Variants in HHAT observed in about 807,000 individuals in gnomAD.
HHAT encodes the protein hedgehog acyltransferase.
A neutral mutation model predicts 70.8 loss-of-function variants in HHAT; 47 were observed. The observed-to-expected ratio is 0.66, with a 90% CI of 0.53 to 0.85. The LOEUF (loss-of-function observed/expected upper bound fraction) is 0.85, where lower values mean the gene tolerates loss of function less well. Ranked by LOEUF, HHAT falls within the 40% of genes least tolerant of loss-of-function variation. The pLI is 0.00. For synonymous variants in HHAT, 228 were observed against 247.6 expected (o/e 0.92, Z 0.74); for missense variants, 609 against 604.8 (o/e 1.01, Z -0.07).
chr1:210,339,873 GTGGAAGTAGTGGGTATA>G (rs2085850902), intron 1 of HHAT, among the ~76,000 whole-genome samples: 1 of 152,226 alleles, frequency 6.6e-6, no homozygotes, highest in African/African-American at 2.4e-5. Flanking sequence ...TGGTGCGGAT[GTGGAAGTAGTGGGTATA>G]TATTTTAAAC....
intron 9 of HHAT, among the ~76,000 whole-genome samples, chr1:210,583,947 ATTTTTTTT>A (rs371722219): frequency 6.3e-4 from 56 of 88,992 alleles, no homozygotes; most frequent in Non-Finnish European, 8.6e-4. Flanking sequence ...AGTGCAGCTA[ATTTTTTTT>A]TTTTTTTTTT....
At chr1:210,626,699 T>C (rs1669899806) in intron 11 of HHAT, among the ~76,000 whole-genome samples, 1 of 152,154 alleles carries the variant, frequency 6.6e-6, no homozygotes, top group African/African-American at 2.4e-5. Flanking sequence ...ATTTCATAAC[T>C]AATTTGACTT....
At chr1:210,664,503 G>A (rs927272126) in intron 11 of HHAT, among the ~76,000 whole-genome samples, 1 of 152,230 alleles carries the variant, frequency 6.6e-6, no homozygotes, top group African/African-American at 2.4e-5. Flanking sequence ...GGGCCAGTGT[G>A]TTTCCAGATC....
At chr1:210,366,448 T>A (rs889874388) in intron 3 of HHAT, among the ~76,000 whole-genome samples, 6 of 151,908 alleles carry the variant, frequency 3.9e-5, no homozygotes, top group Admixed American at 2.0e-4. Context: ...ATGATGAAAC[T>A]CCATGTCTAC....
At chr1:210,620,956 G>A (rs12406888) in intron 10 of HHAT, among the ~76,000 whole-genome samples, 10,159 of 151,680 alleles carry the variant, frequency 0.067, 453 homozygotes, top group Middle Eastern at 0.11. Context: ...GAATATGGGG[G>A]TAGTCACAGA....
chr1:210,378,459 A>G (rs1240526551), intron 3 of HHAT, among the ~76,000 whole-genome samples: 1 of 152,232 alleles, frequency 6.6e-6, no homozygotes, highest in East Asian at 1.9e-4. Context: ...ATTCAGCTCT[A>G]TACTGTTTTC....
At chr1:210,671,633 T>C (rs1206760200) in intron 11 of HHAT, among the ~76,000 whole-genome samples, 1 of 152,190 alleles carries the variant, frequency 6.6e-6, no homozygotes, top group Admixed American at 6.5e-5. Flanking sequence ...ATGGAGGCAG[T>C]GATGCTGCCA....
At chr1:210,480,784 C>A (rs2094384228) in intron 8 of HHAT, among the ~76,000 whole-genome samples, 1 of 152,288 alleles carries the variant, frequency 6.6e-6, no homozygotes, top group East Asian at 1.9e-4. Flanking sequence ...TAGCTCCCCT[C>A]CAGGAGAGCA....
At chr1:210,606,568 C>T (rs1356044845) in intron 10 of HHAT, among the ~76,000 whole-genome samples, 1 of 152,166 alleles carries the variant, frequency 6.6e-6, no homozygotes, top group South Asian at 2.1e-4. Flanking sequence ...TGACTCACTG[C>T]TCTTTAGATG....
chr1:210,580,621 A>G (rs1659051953), intron 9 of HHAT, among the ~76,000 whole-genome samples: 1 of 151,838 alleles, frequency 6.6e-6, no homozygotes, highest in Non-Finnish European at 1.5e-5. Context: ...TAGTTTGCTG[A>G]GGATGATGGT....
At chr1:210,643,930 T>C (rs1038641682) in intron 11 of HHAT, among the ~76,000 whole-genome samples, 2 of 152,002 alleles carry the variant, frequency 1.3e-5, no homozygotes, top group African/African-American at 2.4e-5. Flanking sequence ...AGAAATTTCT[T>C]TTTTTTTCTG....
chr1:210,524,430 G>A (rs1351116134), intron 9 of HHAT, among the ~76,000 whole-genome samples: 1 of 152,108 alleles, frequency 6.6e-6, no homozygotes, highest in Non-Finnish European at 1.5e-5. Flanking sequence ...CAGGGAAAGG[G>A]CGAGGGCTGG....
Position 210,543,514 on chromosome 1 carries a change from A to G in HHAT, c.1043+30326A>G, listed in dbSNP as rs372603374. Among the ~76,000 whole-genome samples the G allele has an allele frequency of 3.9e-5, 6 of 152,096 alleles. No individual in the cohort carries two copies. The East Asian group carries it at 1.2e-3, about 29-fold the overall frequency. ...AGAATTGCTTGAAGCCAGTAGTTTG[A>G]GACCAGGAGTTCAAGCCTGCAGTGA... On this transcript the variant is annotated intron_variant, in intron 9 of 11. Transcript: ENST00000261458.
intron 9 of HHAT, among the ~76,000 whole-genome samples, chr1:210,533,514 A>T (rs1391360247): frequency 1.3e-5 from 2 of 152,178 alleles, no homozygotes; most frequent in Non-Finnish European, 2.9e-5. Flanking sequence ...TGGTCTTTTC[A>T]TGACTAAATA....
Position 210,400,591 on chromosome 1 carries a change from C to T in HHAT, c.397C>T (p.Gln133Ter), listed in dbSNP as rs1440623661. Residue 133 changes from glutamine (Q) to a stop codon, truncating the protein, a stop_gained, in exon 5 of 12, where the codon CAG (glutamine) becomes TAG (stop). Coordinates refer to ENST00000261458, the MANE Select transcript of HHAT (RefSeq NM_018194.6). LOFTEE classifies it high-confidence loss of function. ...ISFCVAQFRS[Q>*]LLTWLCSLLL... ...TTTCTGCGTGGCCCAGTTCCGGTCT[C>T]AGCTCCTGACGTGGCTCTGTTCTCT... 6.2e-7 allele frequency: 1 copy of T among 1,614,152 alleles called. No individual in the cohort carries two copies. Among genetic ancestry groups the T allele is most frequent in the South Asian group, 1.1e-5 (1 of 91,084 alleles).
chr1:210,638,722 C>CAAAA (rs71146238), intron 11 of HHAT, among the ~76,000 whole-genome samples: 74 of 95,256 alleles, frequency 7.8e-4, no homozygotes, highest in Middle Eastern at 6.8e-3. Flanking sequence ...CCTGTATTTA[C>CAAAA]AAAAAAAAAA....
chr1:210,647,726 A>C (rs1674361265), intron 11 of HHAT, among the ~76,000 whole-genome samples: 1 of 152,258 alleles, frequency 6.6e-6, no homozygotes, highest in Non-Finnish European at 1.5e-5. Context: ...TGGAGGAAAC[A>C]GATTTCTCTT....
intron 8 of HHAT, among the ~76,000 whole-genome samples, chr1:210,500,741 G>A (rs188072915): frequency 9.8e-4 from 149 of 152,298 alleles, no homozygotes; most frequent in African/African-American, 3.3e-3. Context: ...CATCATTACT[G>A]AAGTGCTACT....
chr1:210,421,442 GT>G (rs1212276274), intron 7 of HHAT, among the ~76,000 whole-genome samples: 3 of 152,032 alleles, frequency 2.0e-5, no homozygotes, highest in South Asian at 4.2e-4. Flanking sequence ...AAGGACTTTG[GT>G]ATATCATTTC....
Sources: gnomAD v4.1 joint callset for allele counts (sites outside exome capture counted in the v4.1 genomes callset) on GRCh38, gnomAD v4.1.1 for gene constraint, MANE v1.5 for transcripts, NCBI Gene and HGNC (gene_info 2026-07-23, HGNC 2026-07-21) for gene names.